DENND1A: variants seen among roughly 807,000 people sequenced by gnomAD.
DENND1A encodes the protein DENN domain-containing protein 1A.
In DENND1A, 51 loss-of-function variants were observed where a neutral mutation model predicts 113.7. The ratio of observed to expected loss-of-function variants is 0.45; its 90% CI spans 0.36 to 0.57. The LOEUF (loss-of-function observed/expected upper bound fraction) is 0.57, where lower values mean the gene tolerates loss of function less well. DENND1A is among the 20% of genes least tolerant of loss of function. The pLI is 0.00. For missense variants in DENND1A, 1,258 were observed against 1,395.9 expected (o/e 0.90, Z 1.57); for synonymous variants, 565 against 570.8 (o/e 0.99, Z 0.14).
chr9:123,832,798 A>G (rs985373350), intron 2 of DENND1A, among the ~76,000 whole-genome samples: 10 of 152,338 alleles, frequency 6.6e-5, no homozygotes, highest in Middle Eastern at 3.4e-3. Flanking sequence ...CTCCATGTAT[A>G]TATGTTGAAC....
chr9:123,602,626 T>G (rs983730754), intron 11 of DENND1A, among the ~76,000 whole-genome samples: 20 of 152,380 alleles, frequency 1.3e-4, no homozygotes, highest in African/African-American at 4.8e-4. Context: ...CATGAGCCTA[T>G]GAATGAAACT....
chr9:123,816,479 G>T (rs1236012481), intron 2 of DENND1A, among the ~76,000 whole-genome samples: 1 of 152,190 alleles, frequency 6.6e-6, no homozygotes, highest in African/African-American at 2.4e-5. Flanking sequence ...AAGGTTAAAT[G>T]CTGCGGATGA....
intron 11 of DENND1A, among the ~76,000 whole-genome samples, chr9:123,604,601 GA>G (rs1285259611): frequency 1.3e-5 from 2 of 152,184 alleles, no homozygotes; most frequent in Non-Finnish European, 2.9e-5. Context: ...AAGAAAGCAA[GA>G]TACAGAAAGA....
chr9:123,610,254 A>G (rs1049444368), intron 10 of DENND1A, among the ~76,000 whole-genome samples: 1 of 152,192 alleles, frequency 6.6e-6, no homozygotes, highest in African/African-American at 2.4e-5. Flanking sequence ...ATACATTATC[A>G]TTTATGTTAC....
chr9:123,420,571 C>T (rs944013722), intron 19 of DENND1A, among the ~76,000 whole-genome samples: 7 of 152,160 alleles, frequency 4.6e-5, no homozygotes, highest in Non-Finnish European at 1.0e-4. Context: ...CGGCTGGGTC[C>T]GGGCACTCTC....
At chr9:123,415,537 G>A (rs2044656169) in intron 19 of DENND1A, among the ~76,000 whole-genome samples, 1 of 152,238 alleles carries the variant, frequency 6.6e-6, no homozygotes, top group Non-Finnish European at 1.5e-5. Context: ...CAGGTGAGCA[G>A]CTGGATTGTC....
rs888058704 is a variant in DENND1A, at chr9:123,414,599, A to G, written c.1489-2770T>C. On this transcript the variant is annotated intron_variant, in intron 19 of 23. Coordinates refer to ENST00000394215, the MANE Select transcript of DENND1A (RefSeq NM_001352964.2). Reference sequence around the variant, plus strand: ...GGGGATTCACAACGCCTGTTAGCATAGCAAAGGCTGGTGAGTCTTGCAAGA... The same window carrying G: ...GGGGATTCACAACGCCTGTTAGCATGGCAAAGGCTGGTGAGTCTTGCAAGA... 5.8e-6 allele frequency: 9 copies of G among 1,550,370 alleles called. No individual in the cohort carries two copies. In the African/African-American group the frequency reaches 1.1e-4, roughly 19 times the overall value.
intron 11 of DENND1A, among the ~76,000 whole-genome samples, chr9:123,599,007 G>A (rs2059825126): frequency 6.6e-6 from 1 of 152,170 alleles, no homozygotes; most frequent in Non-Finnish European, 1.5e-5. Context: ...ACCACTCTCA[G>A]GGATGTTGAT....
chr9:123,474,010 T>C (rs1001230436), intron 13 of DENND1A, among the ~76,000 whole-genome samples: 1 of 101,380 alleles, frequency 9.9e-6, no homozygotes, highest in African/African-American at 3.0e-5. Flanking sequence ...TTTTTTTTTT[T>C]TTGAGATGGA....
At chr9:123,699,688 CTTTTTT>C (rs34215948) in intron 5 of DENND1A, among the ~76,000 whole-genome samples, 11 of 112,414 alleles carry the variant, frequency 9.8e-5, no homozygotes, top group Non-Finnish European at 1.7e-4. Flanking sequence ...TTCTTTCTTT[CTTTTTT>C]TTTTTTTTTT....
At chr9:123,404,410 G>A (rs958544418) in intron 20 of DENND1A, among the ~76,000 whole-genome samples, 1 of 152,256 alleles carries the variant, frequency 6.6e-6, no homozygotes, top group Non-Finnish European at 1.5e-5. Context: ...GAGCTAAGCT[G>A]AGAAAGTCTA....
intron 11 of DENND1A, among the ~76,000 whole-genome samples, chr9:123,586,725 G>A (rs1291493655): frequency 2.0e-5 from 3 of 152,178 alleles, no homozygotes; most frequent in South Asian, 2.1e-4. Flanking sequence ...AGGCAACTAG[G>A]GGAATGAAGA....
At chr9:123,830,009 C>G (rs1011730840) in intron 2 of DENND1A, among the ~76,000 whole-genome samples, 1 of 152,136 alleles carries the variant, frequency 6.6e-6, no homozygotes, top group African/African-American at 2.4e-5. Context: ...TGACAACCTA[C>G]TTGAATTTAT....
chr9:123,776,012 C>T (rs555842515), intron 3 of DENND1A, among the ~76,000 whole-genome samples: 2 of 152,302 alleles, frequency 1.3e-5, no homozygotes, highest in South Asian at 4.1e-4. Flanking sequence ...ACAGAACTGG[C>T]TGTTACCTCT....
chr9:123,745,732 T>A (rs1242163445), intron 5 of DENND1A, among the ~76,000 whole-genome samples: 1 of 152,204 alleles, frequency 6.6e-6, no homozygotes, highest in African/African-American at 2.4e-5. Context: ...AATGGCCACC[T>A]ACAGTTACAT....
intron 2 of DENND1A, among the ~76,000 whole-genome samples, chr9:123,877,230 T>C (rs1847616847): frequency 6.6e-6 from 1 of 152,106 alleles, no homozygotes; most frequent in Non-Finnish European, 1.5e-5. Context: ...CTCACGCCTG[T>C]AAGTAATCCC....
intron 19 of DENND1A, among the ~76,000 whole-genome samples, chr9:123,420,488 T>C (rs1434358637): frequency 6.6e-6 from 1 of 151,858 alleles, no homozygotes; most frequent in Non-Finnish European, 1.5e-5. Flanking sequence ...TGCCGCGGGG[T>C]CTCACAGAGA....
intron 13 of DENND1A, among the ~76,000 whole-genome samples, chr9:123,479,735 C>G (rs1407484234): frequency 1.3e-5 from 2 of 152,262 alleles, no homozygotes; most frequent in Non-Finnish European, 2.9e-5. Context: ...TCTGCCCCTG[C>G]AGGACCCCAA....
chr9:123,693,658 A>G (rs1337270704), intron 5 of DENND1A, among the ~76,000 whole-genome samples: 1 of 151,946 alleles, frequency 6.6e-6, no homozygotes, highest in East Asian at 1.9e-4. Flanking sequence ...ACAAGTTTTC[A>G]TGGCAATAGA....
Sources: gnomAD v4.1 joint callset for allele counts (sites outside exome capture counted in the v4.1 genomes callset) on GRCh38, gnomAD v4.1.1 for gene constraint, MANE v1.5 for transcripts, NCBI Gene and HGNC (gene_info 2026-07-23, HGNC 2026-07-21) for gene names.